KDM2A: variants seen among roughly 807,000 people sequenced by gnomAD.
KDM2A encodes lysine-specific demethylase 2A.
In KDM2A, 3 loss-of-function variants were observed where a neutral mutation model predicts 137.3. The observed-to-expected ratio is 0.02, with a 90% confidence interval of 0.01 to 0.06. KDM2A has a LOEUF of 0.06. KDM2A is among the 10% of genes least tolerant of loss of function. The pLI, the probability that KDM2A is intolerant of heterozygous loss-of-function variation, is 1.00. For synonymous variants in KDM2A, 512 were observed against 541.5 expected (o/e 0.95, Z 0.76); for missense variants, 738 against 1,510.6 (o/e 0.49, Z 8.48).
intron 5 of KDM2A, among the ~76,000 whole-genome samples, chr11:67,201,330 A>T (rs1031223252): frequency 1.3e-5 from 2 of 151,950 alleles, no homozygotes; most frequent in Non-Finnish European, 2.9e-5. Flanking sequence ...AGGATTCACC[A>T]CTGTAGATGC....
chr11:67,219,225 C>G, intron 9 of KDM2A, 63 bp from the exon 10 acceptor site: 2 of 742,208 alleles, frequency 2.7e-6, no homozygotes, highest in African/African-American at 1.8e-5. Flanking sequence ...TGTACTAGTT[C>G]TCTGAGAGAG....
intron 5 of KDM2A, among the ~76,000 whole-genome samples, chr11:67,199,025 C>A (rs1004955885): frequency 6.6e-6 from 1 of 152,090 alleles, no homozygotes; most frequent in African/African-American, 2.4e-5. Context: ...GTGATTCACC[C>A]GCCTTGGCCT....
chr11:67,194,592 G>A (rs1241132614), intron 5 of KDM2A, among the ~76,000 whole-genome samples: 1 of 152,168 alleles, frequency 6.6e-6, no homozygotes, highest in African/African-American at 2.4e-5. Context: ...AACACTTTGT[G>A]CATTACATAG....
intron 6 of KDM2A, among the ~76,000 whole-genome samples, chr11:67,209,855 G>A (rs1221345505): frequency 6.6e-6 from 1 of 152,090 alleles, no homozygotes; most frequent in Non-Finnish European, 1.5e-5. Flanking sequence ...GAGCCTAGGA[G>A]TTCAAGACCA....
At chr11:67,230,712 C>G (rs1041436252) in intron 11 of KDM2A, among the ~76,000 whole-genome samples, 4 of 151,668 alleles carry the variant, frequency 2.6e-5, no homozygotes, top group Non-Finnish European at 5.9e-5. Flanking sequence ...GTATATTGTA[C>G]TGTTCAGTTG....
At chr11:67,220,624 T>A (rs535479696) in intron 10 of KDM2A, among the ~76,000 whole-genome samples, 81 of 152,174 alleles carry the variant, frequency 5.3e-4, no homozygotes, top group Non-Finnish European at 9.4e-4. Context: ...TCTAGATGCA[T>A]AGAAAAAAGT....
chr11:67,244,245 T>C (rs541278072), intron 13 of KDM2A, among the ~76,000 whole-genome samples: 2 of 152,334 alleles, frequency 1.3e-5, no homozygotes, highest in Admixed American at 6.5e-5. Flanking sequence ...ATTAAAGTAG[T>C]AGAAAACATG....
chr11:67,178,762 G>A (rs1857024322), intron 2 of KDM2A, among the ~76,000 whole-genome samples: 1 of 152,036 alleles, frequency 6.6e-6, no homozygotes, highest in Non-Finnish European at 1.5e-5. Context: ...CATTGTATAG[G>A]TATACCACAT....
intron 15 of KDM2A, among the ~76,000 whole-genome samples, chr11:67,247,050 TA>T: frequency 7.3e-5 from 2 of 27,524 alleles, no homozygotes; most frequent in African/African-American, 1.6e-4. Context: ...TATATATATA[TA>T]TATATATATA....
chr11:67,182,043 A>G (rs1433118799), intron 5 of KDM2A, among the ~76,000 whole-genome samples, 151 bp downstream of exon 5: 1 of 152,226 alleles, frequency 6.6e-6, no homozygotes, highest in Admixed American at 6.5e-5. Context: ...GAATTTTATC[A>G]AAGAGAGTTA....
At chr11:67,189,870 A>G (rs1754301442) in intron 5 of KDM2A, among the ~76,000 whole-genome samples, 1 of 152,148 alleles carries the variant, frequency 6.6e-6, no homozygotes, top group South Asian at 2.1e-4. Context: ...CTCTTTAACA[A>G]AAGAAGAGAA....
chr11:67,180,642 A>G (rs1857070697), intron 3 of KDM2A, among the ~76,000 whole-genome samples: 1 of 151,974 alleles, frequency 6.6e-6, no homozygotes. Context: ...TAGTGGTCAA[A>G]ATTAATGTTT....
In KDM2A at chr11:67,177,292, A is replaced by G. The variant is rs565146943; in HGVS notation, c.43-2787A>G. ...AAAAAATATTACTACTACTAGTAAT[A>G]AAACTAAGCTTAGTCTGTAACTTTT... On this transcript the variant is annotated intron_variant, in intron 2 of 20. Transcript: ENST00000529006. 7.2e-4 allele frequency among the ~76,000 whole-genome samples: 109 copies of G among 152,168 alleles called. 1 individual carries two copies. The highest frequency in any genetic ancestry group is 1.3e-3 in the Non-Finnish European group (86 of 68,026).
intron 5 of KDM2A, among the ~76,000 whole-genome samples, chr11:67,187,704 G>A (rs1056629709): frequency 6.6e-6 from 1 of 152,034 alleles, no homozygotes; most frequent in African/African-American, 2.4e-5. Flanking sequence ...CTCCCAAGTA[G>A]CTGGATTTAC....
At chr11:67,170,850 TG>T (rs1787660500) in intron 2 of KDM2A, among the ~76,000 whole-genome samples, 1 of 152,156 alleles carries the variant, frequency 6.6e-6, no homozygotes, top group African/African-American at 2.4e-5. Flanking sequence ...CTTAAGAGAC[TG>T]GTCTGGTCGA....
intron 2 of KDM2A, among the ~76,000 whole-genome samples, chr11:67,134,896 C>T (rs1270845216): frequency 1.3e-5 from 2 of 152,096 alleles, no homozygotes; most frequent in South Asian, 2.1e-4. Context: ...AGCATGAAGC[C>T]CTTTTTCTGT....
At chr11:67,183,109 C>G (rs895734919) in intron 5 of KDM2A, among the ~76,000 whole-genome samples, 2 of 152,218 alleles carry the variant, frequency 1.3e-5, no homozygotes, top group African/African-American at 4.8e-5. Context: ...CATCCCCTTA[C>G]TGTTTCTGTT....
chr11:67,201,442 C>A (rs1373967848), intron 5 of KDM2A, among the ~76,000 whole-genome samples: 3 of 151,674 alleles, frequency 2.0e-5, no homozygotes, highest in Non-Finnish European at 4.4e-5. Context: ...GAGTTTGAGA[C>A]CAGCCTGGGA....
chr11:67,228,728 T>C (rs1858622820), intron 11 of KDM2A, among the ~76,000 whole-genome samples: 1 of 150,442 alleles, frequency 6.6e-6, no homozygotes, highest in African/African-American at 2.4e-5. Context: ...TGATCAGTTG[T>C]CTAATATGCT....
Sources: gnomAD v4.1 joint callset for allele counts (sites outside exome capture counted in the v4.1 genomes callset) on GRCh38, gnomAD v4.1.1 for gene constraint, MANE v1.5 for transcripts, NCBI Gene and HGNC (gene_info 2026-07-23, HGNC 2026-07-21) for gene names.